The following CEMIP variants were observed in gnomAD, a reference collection of about 807,000 sequenced individuals.
CEMIP encodes the protein cell migration inducing hyaluronidase 1, also known as cell migration-inducing and hyaluronan-binding protein.
CEMIP carries 105 observed loss-of-function variants against 156.9 expected under a neutral mutation model. That is an observed-to-expected ratio of 0.67 (90% CI 0.57 to 0.79). The LOEUF (loss-of-function observed/expected upper bound fraction) is 0.79, where lower values mean the gene tolerates loss of function less well. Ranked by LOEUF, CEMIP falls within the 30% of genes least tolerant of loss-of-function variation. The pLI, the probability that CEMIP is intolerant of heterozygous loss-of-function variation, is 0.00. For missense variants in CEMIP, 1,457 were observed against 1,769.4 expected, an observed-to-expected ratio of 0.82 and a Z score of 3.17; for synonymous variants, 676 against 668.4, an observed-to-expected ratio of 1.01 and a Z score of -0.17.
chr15:80,840,342 T>C (rs900693457), intron 1 of CEMIP, among the ~76,000 whole-genome samples: 6 of 152,272 alleles, frequency 3.9e-5, no homozygotes, highest in South Asian at 4.1e-4. Context: ...CCACACCCAG[T>C]TGGCTGGAGC....
At chr15:80,876,465 T>C (rs1898482531) in intron 3 of CEMIP, among the ~76,000 whole-genome samples, 1 of 152,218 alleles carries the variant, frequency 6.6e-6, no homozygotes, top group African/African-American at 2.4e-5. Flanking sequence ...CTTGAGCCCC[T>C]TGACATTTAC....
At chr15:80,913,956 T>G (rs191952740) in intron 14 of CEMIP, among the ~76,000 whole-genome samples, 81 of 152,368 alleles carry the variant, frequency 5.3e-4, no homozygotes, top group Admixed American at 2.1e-3. Flanking sequence ...TAACACAGTT[T>G]GTAACAGAGA....
At chr15:80,786,562 G>GTGTGTA in intron 1 of CEMIP, among the ~76,000 whole-genome samples, 1 of 136,142 alleles carries the variant, frequency 7.3e-6, no homozygotes, top group Admixed American at 7.3e-5. Flanking sequence ...CTTGCTGTGT[G>GTGTGTA]TGTGTGTGTG....
rs1251295006 is a variant in CEMIP, at chr15:80,950,783, T to G, written c.*1859T>G. ...AGCTCCTGTAAGAGGGAGAACTCTA[T>G]CTGTGGTTTATAATCTTGCACGAGG... On this transcript the variant is annotated 3_prime_UTR_variant, in exon 30 of 30. Transcript: ENST00000394685. The G allele has an allele frequency of 6.5e-6, 1 of 152,700 alleles. No homozygotes were observed. Among genetic ancestry groups the G allele is most frequent in the Non-Finnish European group, 1.5e-5 (1 of 68,092 alleles). 9.5% of individuals were successfully genotyped at this position (152,700 alleles called of 1,614,324 possible).
intron 22 of CEMIP, 114 bp from the exon 23 acceptor site, chr15:80,933,131 T>C: frequency 2.2e-6 from 2 of 912,444 alleles, no homozygotes; most frequent in Non-Finnish European, 3.5e-6. Flanking sequence ...AGAGCATCTT[T>C]GTTTTGGCTG....
chr15:80,793,998 T>C (rs1386231643), intron 1 of CEMIP, among the ~76,000 whole-genome samples: 1 of 152,244 alleles, frequency 6.6e-6, no homozygotes, highest in East Asian at 1.9e-4. Context: ...TTTTGTTATT[T>C]ATGATTTTAT....
intron 1 of CEMIP, among the ~76,000 whole-genome samples, chr15:80,846,782 T>C (rs1320516642): frequency 6.6e-6 from 1 of 152,186 alleles, no homozygotes; most frequent in Non-Finnish European, 1.5e-5. Flanking sequence ...TAAGCATAAA[T>C]GTGAAGTCCT....
intron 26 of CEMIP, 61 bp downstream of exon 26, chr15:80,942,114 G>C (rs747420160): frequency 2.6e-6 from 4 of 1,564,510 alleles, no homozygotes; most frequent in Non-Finnish European, 3.5e-6. Context: ...AGAGCCCTTT[G>C]CCGTCCAGTC....
intron 1 of CEMIP, among the ~76,000 whole-genome samples, chr15:80,809,680 T>C (rs564537156): frequency 6.6e-6 from 1 of 152,308 alleles, no homozygotes; most frequent in African/African-American, 2.4e-5. Context: ...GTCTAGAGGC[T>C]ATGGGGGAAA....
At chr15:80,804,597 C>T (rs367935380) in intron 1 of CEMIP, among the ~76,000 whole-genome samples, 10 of 152,322 alleles carry the variant, frequency 6.6e-5, no homozygotes, top group Admixed American at 1.3e-4. Flanking sequence ...GGTGCCTCAC[C>T]TACTGCTCCA....
At position 80,924,836 on chromosome 15, in the gene CEMIP, G is replaced by T. The variant is rs529347508; in HGVS notation, c.2288+130G>T. ...TTGCTTTGTGCTGGGCTTTGAGCTAGTTGCTGGGGGTACAATGGTGAAAAC... is the reference window on the plus strand; with the variant it reads ...TTGCTTTGTGCTGGGCTTTGAGCTATTTGCTGGGGGTACAATGGTGAAAAC... On this transcript the variant is annotated intron_variant, in intron 18 of 29. Coordinates refer to ENST00000394685, the MANE Select transcript of CEMIP (RefSeq NM_001293298.2). 4.7e-4 allele frequency: 391 copies of T among 823,336 alleles called. 1 individual carries two copies. The highest frequency in any genetic ancestry group is 1.3e-3 in the Middle Eastern group (4 of 3,026). 51.0% of individuals were successfully genotyped at this position (823,336 alleles called of 1,614,324 possible).
chr15:80,807,125 G>A (rs1310432461), intron 1 of CEMIP, among the ~76,000 whole-genome samples: 1 of 152,070 alleles, frequency 6.6e-6, no homozygotes, highest in Non-Finnish European at 1.5e-5. Context: ...CAGGTTTAAA[G>A]AAAAGGTGGG....
chr15:80,809,590 A>G (rs1444863204), intron 1 of CEMIP, among the ~76,000 whole-genome samples: 1 of 152,208 alleles, frequency 6.6e-6, no homozygotes, highest in Non-Finnish European at 1.5e-5. Context: ...TGTGGATAGG[A>G]AGCATGGTGC....
chr15:80,943,249 T>A, intron 28 of CEMIP, 147 bp downstream of exon 28: 2 of 918,158 alleles, frequency 2.2e-6, no homozygotes. Flanking sequence ...ATCATGGGTG[T>A]TGGACAAGAG....
intron 14 of CEMIP, among the ~76,000 whole-genome samples, chr15:80,916,581 ATCTG>A (rs1031368664): frequency 3.9e-5 from 6 of 152,200 alleles, no homozygotes; most frequent in African/African-American, 7.2e-5. Flanking sequence ...TGTATCTGCT[ATCTG>A]TCTATCCATC....
At chr15:80,802,059 G>A (rs1264499628) in intron 1 of CEMIP, among the ~76,000 whole-genome samples, 1 of 152,190 alleles carries the variant, frequency 6.6e-6, no homozygotes, top group African/African-American at 2.4e-5. Context: ...CAGATGCCAA[G>A]GGACAACTGT....
intron 1 of CEMIP, among the ~76,000 whole-genome samples, chr15:80,870,615 T>C (rs561054439): frequency 1.7e-3 from 252 of 152,198 alleles, no homozygotes; most frequent in African/African-American, 5.9e-3. Flanking sequence ...CGGTGAGCAA[T>C]GGCAGTGAGG....
chr15:80,894,584 C>T (rs935109825), intron 10 of CEMIP, among the ~76,000 whole-genome samples: 1 of 152,130 alleles, frequency 6.6e-6, no homozygotes, highest in Non-Finnish European at 1.5e-5. Flanking sequence ...AAGACTCCTC[C>T]CCATGGGATG....
rs151092435 is a variant in CEMIP, at chr15:80,862,381, G to T, written c.-175-11157G>T. Among the ~76,000 whole-genome samples, 230 of 152,332 alleles carry T rather than the reference G, an allele frequency of 1.5e-3. 1 individual carries two copies. Among genetic ancestry groups the T allele is most frequent in the Non-Finnish European group, 2.3e-3 (155 of 68,032 alleles). ...CCAAGAGAGGAATCCCTTCATGGAA[G>T]AAGCCATCCTGTGCCATGCAGACTC... On this transcript the variant is annotated intron_variant, in intron 1 of 29. Coordinates refer to ENST00000394685, the MANE Select transcript of CEMIP (RefSeq NM_001293298.2).
Sources: allele counts gnomAD v4.1 joint callset (sites outside exome capture counted in the v4.1 genomes callset), GRCh38; gene constraint gnomAD v4.1.1; transcripts MANE v1.5; gene names NCBI Gene and HGNC (gene_info 2026-07-23, HGNC 2026-07-21).